Variants in TTYH2 observed in about 807,000 individuals in gnomAD.
The protein encoded by TTYH2 is protein tweety homolog 2.
TTYH2 carries 49 observed loss-of-function variants against 68.3 expected under a neutral mutation model. The ratio of observed to expected loss-of-function variants is 0.72; its 90% confidence interval spans 0.57 to 0.91. The LOEUF (loss-of-function observed/expected upper bound fraction) is 0.91, where lower values mean the gene tolerates loss of function less well. Ranked by LOEUF, TTYH2 falls within the 40% of genes least tolerant of loss-of-function variation. The pLI is 0.00. For missense variants in TTYH2, 631 were observed against 700.4 expected, an observed-to-expected ratio of 0.90 and a Z score of 1.12; for synonymous variants, 272 against 300.8, an observed-to-expected ratio of 0.90 and a Z score of 0.99.
In TTYH2 at chr17:74,227,983, C is replaced by CTTTTTTTTTTTTTTT; in HGVS notation, c.303-2901_303-2887dup. 1.3e-3 allele frequency among the ~76,000 whole-genome samples: 144 copies of CTTTTTTTTTTTTTTT among 112,500 alleles called. 14 individuals are homozygous for CTTTTTTTTTTTTTTT. Among genetic ancestry groups the CTTTTTTTTTTTTTTT allele is most frequent in the African/African-American group, 6.1e-3 (131 of 21,536 alleles). The allele number at this position is 112,500 out of a possible 152,430, so 73.8% of individuals were successfully genotyped here. A position where few individuals can be genotyped will look rare whatever the true frequency, so the allele number is the denominator to read the frequency against. ...GAAGGAGGTTTCTTTTCTTTTCTTT[C>CTTTTTTTTTTTTTTT]TTTTTTTTTTTTTTTTTTGAGATAG... On this transcript the variant is annotated intron_variant, in intron 2 of 13. Coordinates refer to ENST00000269346, the MANE Select transcript of TTYH2 (RefSeq NM_032646.6).
At chr17:74,243,334 C>G (rs2050520915) in intron 4 of TTYH2, 40 bp from the exon 5 acceptor site, 6 of 1,571,310 alleles carry the variant, frequency 3.8e-6, no homozygotes, top group Non-Finnish European at 5.3e-6. Context: ...GTCAGAAGTT[C>G]CACCCTGCTG....
At chr17:74,246,790 C>T (rs529232491) in intron 6 of TTYH2, among the ~76,000 whole-genome samples, 57 of 152,218 alleles carry the variant, frequency 3.7e-4, no homozygotes, top group African/African-American at 1.3e-3. Flanking sequence ...TGAGGAAGCC[C>T]CACAATCATG....
intron 10 of TTYH2, 137 bp from the exon 11 acceptor site, chr17:74,252,097 T>C: frequency 8.9e-7 from 1 of 1,119,752 alleles, no homozygotes; most frequent in Non-Finnish European, 1.3e-6. Flanking sequence ...TTAATGGTGC[T>C]GCAAGGCGCT....
chr17:74,250,107 G>A, intron 9 of TTYH2, 79 bp downstream of exon 9: 1 of 1,541,146 alleles, frequency 6.5e-7, no homozygotes, highest in Non-Finnish European at 8.9e-7. Flanking sequence ...CCAGGGCCAG[G>A]CTGTGCACAG....
intron 6 of TTYH2, chr17:74,248,706 G>A (rs935744283): frequency 3.1e-6 from 4 of 1,283,672 alleles, no homozygotes; most frequent in Admixed American, 6.5e-5. Context: ...GGGAATAAGA[G>A]TAACAGCATG....
chr17:74,230,902 TTGGTTTCTA>T lies in TTYH2; in HGVS notation c.321_329del (p.Phe108_Gly110del). On this transcript the variant is annotated inframe_deletion, in exon 3 of 14. Transcript: ENST00000269346. ...CTTGCTTATAGTGCTGCGGTGGGCG[TTGGTTTCTA>T]TGGAAACAGCGAGACCAACGATGGG... The T allele has an allele frequency of 1.9e-6, 3 of 1,614,070 alleles. No individual in the cohort carries two copies. Among genetic ancestry groups the T allele is most frequent in the Non-Finnish European group, 2.5e-6 (3 of 1,180,002 alleles).
At position 74,261,114 on chromosome 17, in the gene TTYH2, C is replaced by G. The variant is rs3893391; in HGVS notation, c.*905C>G. 34,722 of 152,478 alleles carry G rather than the reference C, an allele frequency of 0.23. 4,165 individuals are homozygous for G. Among genetic ancestry groups the G allele is most frequent in the Non-Finnish European group, 0.25 (16,747 of 67,968 alleles). The allele number at this position is 152,478 out of a possible 1,614,324, so 9.4% of individuals were successfully genotyped here. A position where few individuals can be genotyped will look rare whatever the true frequency, so the allele number is the denominator to read the frequency against. ...AACAGATTTGCAGCTCATTCCTTACCCTGGTTAGGTCACTACTTTTGCAGA... is the reference window on the plus strand; with the variant it reads ...AACAGATTTGCAGCTCATTCCTTACGCTGGTTAGGTCACTACTTTTGCAGA... On this transcript the variant is annotated 3_prime_UTR_variant, in exon 14 of 14. Transcript: ENST00000269346.
rs2050505520 is a variant in TTYH2, at chr17:74,241,943, G to C, written c.636-1431G>C. ...GGGCACTTTGTTTGGGGTCTTCTCA[G>C]TGTCCGTTGGCTTAAGATACTTTGA... On this transcript the variant is annotated intron_variant, in intron 4 of 13. Coordinates refer to ENST00000269346, the MANE Select transcript of TTYH2 (RefSeq NM_032646.6). The surrounding 1 kb of genome is among the most constrained non-coding windows in gnomAD (Gnocchi z 4.1). Among the ~76,000 whole-genome samples the C allele has an allele frequency of 6.6e-6, 1 of 152,246 alleles. No individual in the cohort carries two copies. The highest frequency in any genetic ancestry group is 6.5e-5 in the Admixed American group (1 of 15,290).
intron 1 of TTYH2, among the ~76,000 whole-genome samples, chr17:74,219,859 T>G (rs2050258581): frequency 6.6e-6 from 1 of 152,210 alleles, no homozygotes. Flanking sequence ...GACTGCTGTG[T>G]GAAGCTGCTG....
intron 2 of TTYH2, among the ~76,000 whole-genome samples, chr17:74,229,275 T>C (rs1330710927): frequency 6.6e-6 from 1 of 152,086 alleles, no homozygotes; most frequent in Non-Finnish European, 1.5e-5. Flanking sequence ...CCCACCTGTG[T>C]CAGAATCCCC....
Position 74,237,429 on chromosome 17 carries a change from C to T in TTYH2, c.550C>T (p.Gln184Ter). The T allele has an allele frequency of 6.2e-7, 1 of 1,614,126 alleles. No homozygotes were observed. The highest frequency in any genetic ancestry group is 8.5e-7 in the Non-Finnish European group (1 of 1,180,032). ...GCAGATGGCGGGCAGCGTTGTTGTTCAGCTCTCAGGACTGCCCGTGTGGAG... is the reference window on the plus strand; with the variant it reads ...GCAGATGGCGGGCAGCGTTGTTGTTTAGCTCTCAGGACTGCCCGTGTGGAG... ...IQQMAGSVVV[Q>*]LSGLPVWREV... The change falls in exon 4 of 14, where the codon CAG becomes TAG. Residue 184 changes from glutamine (Q) to a stop codon, truncating the protein, a stop_gained. Coordinates refer to ENST00000269346, the MANE Select transcript of TTYH2 (RefSeq NM_032646.6). LOFTEE classifies it high-confidence loss of function.
intron 1 of TTYH2, among the ~76,000 whole-genome samples, chr17:74,219,247 G>T (rs1337429335): frequency 6.9e-6 from 1 of 144,548 alleles, no homozygotes; most frequent in African/African-American, 2.6e-5. Flanking sequence ...AAATTAGCTG[G>T]GCCTGGTAGC....
rs766504902 is a variant in TTYH2, at chr17:74,215,736, A to T, written c.129+2020A>T. On this transcript the variant is annotated intron_variant, in intron 1 of 13. Transcript: ENST00000269346. This position sits in a 1 kb window ranked among gnomAD's most constrained non-coding sequence, Gnocchi z 4.3. ...TGGTAAGTTCCCCTGTTGTGACCAC[A>T]GGTCTCTCCTGGATGTCTTCTTTCC... 3.3e-6 allele frequency: 5 copies of T among 1,532,814 alleles called. No homozygotes were observed. In the South Asian group the frequency reaches 6.0e-5, roughly 18 times the overall value. The allele number at this position is 1,532,814 out of a possible 1,614,324, so 95.0% of individuals were successfully genotyped here.
intron 3 of TTYH2, 24 bp downstream of exon 3, chr17:74,231,023 G>A (rs761576234): frequency 1.4e-5 from 22 of 1,606,878 alleles, no homozygotes; most frequent in Admixed American, 3.3e-5. Context: ...GCAGCTGGCC[G>A]GGTACAGGCA....
chr17:74,248,664 G>A (rs2143770092), intron 6 of TTYH2: 4 of 1,155,270 alleles, frequency 3.5e-6, no homozygotes, highest in Non-Finnish European at 4.3e-6. Context: ...CAGGATGCTG[G>A]CCCCCAAAGG....
chr17:74,260,072 C>T (rs2050733088), intron 13 of TTYH2, 57 bp from the exon 14 acceptor site: 3 of 1,509,900 alleles, frequency 2.0e-6, no homozygotes, highest in African/African-American at 2.7e-5. Context: ...GGCACCTTTG[C>T]TGGTGCAGTG....
intron 13 of TTYH2, among the ~76,000 whole-genome samples, chr17:74,256,660 A>T (rs2050696146): frequency 6.6e-6 from 1 of 151,462 alleles, no homozygotes; most frequent in Admixed American, 6.6e-5. Flanking sequence ...ATTTATGTTT[A>T]TTTTTTTGAG....
Position 74,232,282 on chromosome 17 carries a change from C to G in TTYH2, c.414+1283C>G, listed in dbSNP as rs1348379654. 6.6e-6 allele frequency among the ~76,000 whole-genome samples: 1 copy of G among 152,222 alleles called. No individual in the cohort carries two copies. Among genetic ancestry groups the G allele is most frequent in the Non-Finnish European group, 1.5e-5 (1 of 68,044 alleles). On this transcript the variant is annotated intron_variant, in intron 3 of 13. Transcript: ENST00000269346. This position sits in a 1 kb window ranked among gnomAD's most constrained non-coding sequence, Gnocchi z 5.1. ...GGTCGGGGGTGTCACCTTAAAGAGA[C>G]AGCTGTGCTGCTCCTCCGTGCCCAA...
In TTYH2 at chr17:74,239,232, C is replaced by T. The variant is rs1211685059; in HGVS notation, c.635+1718C>T. Among the ~76,000 whole-genome samples the T allele has an allele frequency of 1.3e-5, 2 of 152,208 alleles. No individual in the cohort carries two copies. The highest frequency in any genetic ancestry group is 1.9e-4 in the East Asian group (1 of 5,192). On this transcript the variant is annotated intron_variant, in intron 4 of 13. Coordinates refer to ENST00000269346, the MANE Select transcript of TTYH2 (RefSeq NM_032646.6). This position sits in a 1 kb window ranked among gnomAD's most constrained non-coding sequence, Gnocchi z 5.3. ...GTGCAGGGTCCAGCGAAGTTTGCTC[C>T]GTGGAAAGCACAGGAAGGAGGCAGC...
Sources: gnomAD v4.1 joint callset for allele counts (sites outside exome capture counted in the v4.1 genomes callset) on GRCh38, gnomAD v4.1.1 for gene constraint, Gnocchi (gnomAD v3.1) non-coding constraint, MANE v1.5 for transcripts, NCBI Gene and HGNC (gene_info 2026-07-23, HGNC 2026-07-21) for gene names.